The following NOC3L variants were observed in gnomAD, a reference collection of about 807,000 sequenced individuals.
NOC3L encodes the protein nucleolar complex protein 3 homolog.
In NOC3L, 85 loss-of-function variants were observed where a neutral mutation model predicts 102.5. The observed-to-expected ratio is 0.83, with a 90% confidence interval of 0.70 to 0.99. NOC3L has a LOEUF of 0.99. NOC3L is among the 50% of genes least tolerant of loss of function. The pLI is 0.00. For missense variants in NOC3L, 878 were observed against 914.9 expected (o/e 0.96, Z 0.52); for synonymous variants, 303 against 309.4 (o/e 0.98, Z 0.22).
intron 10 of NOC3L, among the ~76,000 whole-genome samples, chr10:94,346,850 T>C (rs539170264): frequency 2.3e-4 from 35 of 152,206 alleles, no homozygotes; most frequent in Admixed American, 1.9e-3. Flanking sequence ...GCCAACAGGA[T>C]GACAAAGAGA....
At position 94,349,973 on chromosome 10, in the gene NOC3L, T is replaced by C. The variant is rs184317946; in HGVS notation, c.1128+140A>G. ...TGGGGTTTCACCATGTTAGCTGGGGTGGTCTCGATCTCCTGACCTCGTGAT... is the reference window on the plus strand; with the variant it reads ...TGGGGTTTCACCATGTTAGCTGGGGCGGTCTCGATCTCCTGACCTCGTGAT... On this transcript the variant is annotated intron_variant, in intron 9 of 20. Coordinates refer to ENST00000371361, the MANE Select transcript of NOC3L (RefSeq NM_022451.11). 2.2e-3 allele frequency: 1,457 copies of C among 656,250 alleles called. 1 individual carries two copies. Among genetic ancestry groups the C allele is most frequent in the Non-Finnish European group, 3.4e-3 (1,306 of 380,194 alleles). 40.7% of individuals were successfully genotyped at this position (656,250 alleles called of 1,614,324 possible).
chr10:94,340,357 G>T lies in NOC3L; in HGVS notation c.1709-10C>A. On this transcript the variant is annotated splice_polypyrimidine_tract_variant and intron_variant, in intron 15 of 20. Transcript: ENST00000371361. ...ATATTCAGAACATCACCTTTGAAAT[G>T]ACAACAAACACCAATTAGGTATGTT... is the stretch of plus-strand genomic sequence containing the variant. 1 of 1,612,610 alleles carries T rather than the reference G, an allele frequency of 6.2e-7. No homozygotes were observed.
chr10:94,352,804 A>T, intron 7 of NOC3L, 92 bp downstream of exon 7: 1 of 1,095,062 alleles, frequency 9.1e-7, no homozygotes, highest in Non-Finnish European at 1.3e-6. Flanking sequence ...TCTGGGCGAC[A>T]GAGTAAAACT....
Position 94,346,455 on chromosome 10 carries a change from C to A in NOC3L, c.1359G>T (p.Lys453Asn). Reference sequence around the variant, plus strand: ...TCTGCATTCTTGATAGAGATTTTCTCTTTTCTTTGAAAGTCATAAATTTTT... The same window carrying A: ...TCTGCATTCTTGATAGAGATTTTCTATTTTCTTTGAAAGTCATAAATTTTT... ...KPKKFMTFKEKRKSLSRMQRK... is the reference protein window; with the variant it reads ...KPKKFMTFKENRKSLSRMQRK... Residue 453 changes from lysine to asparagine, a missense_variant, in exon 11 of 21, where the codon AAG (lysine) becomes AAT (asparagine). Lys to Asn is a moderately conservative substitution (Grantham distance 94). Transcript: ENST00000371361. 1 of 1,512,248 alleles carries A rather than the reference C, an allele frequency of 6.6e-7. No individual in the cohort carries two copies. The highest frequency in any genetic ancestry group is 1.3e-5 in the South Asian group (1 of 78,032). The allele number at this position is 1,512,248 out of a possible 1,614,324, so 93.7% of individuals were successfully genotyped here.
rs560823218 is a variant in NOC3L at position 94,337,170 on chromosome 10, CT to C, written c.2189+606del. ...GAAAAGAAGACTCTTTTAGGAGGAC[CT>C]TTTCCCCATCTGGGTGTGAGGTAGA... On this transcript the variant is annotated intron_variant, in intron 19 of 20. Transcript: ENST00000371361. Among the ~76,000 whole-genome samples, 279 of 152,084 alleles carry C rather than the reference CT, an allele frequency of 1.8e-3. 1 individual carries two copies. Among genetic ancestry groups the C allele is most frequent in the Admixed American group, 3.5e-3 (53 of 15,284 alleles).
Position 94,358,164 on chromosome 10 carries a change from T to C in NOC3L, c.269A>G (p.Asp90Gly). 1 of 1,610,816 alleles carries C rather than the reference T, an allele frequency of 6.2e-7. No homozygotes were observed. Among genetic ancestry groups the C allele is most frequent in the African/African-American group, 1.3e-5 (1 of 74,996 alleles). ...EEEEEEALPL[D>G]MMDEDDLQLM... ...CTGTAAGTCATCTTCATCCATCATA[T>C]CTAAAGGAAGGGCTTCTTCTTCTTC... is the stretch of plus-strand genomic sequence containing the variant. The change falls in exon 3 of 21, where the codon GAT becomes GGT. Residue 90 changes from aspartate (D) to glycine (G), a missense_variant. Coordinates refer to ENST00000371361, the MANE Select transcript of NOC3L (RefSeq NM_022451.11).
At chr10:94,329,040 A>G (rs2054126581), downstream of NOC3L, 1 of 152,298 alleles carries the variant, frequency 6.6e-6, no homozygotes, top group African/African-American at 2.4e-5. Context: ...CGCTCTCTTG[A>G]TATTGCCATG....
chr10:94,359,779 C>T (rs1476335125), intron 2 of NOC3L, among the ~76,000 whole-genome samples: 1 of 152,076 alleles, frequency 6.6e-6, no homozygotes, highest in Non-Finnish European at 1.5e-5. Flanking sequence ...AACTCTCATA[C>T]ACTCTTGGTG....
chr10:94,337,698 T>C (rs1402069886), intron 19 of NOC3L, 79 bp downstream of exon 19: 3 of 930,898 alleles, frequency 3.2e-6, no homozygotes, highest in Admixed American at 2.1e-5. Context: ...AGTATGTTAC[T>C]TTATGAAACA....
chr10:94,332,192 G>A (rs987348668), downstream of NOC3L: 1 of 152,072 alleles, frequency 6.6e-6, no homozygotes, highest in Non-Finnish European at 1.5e-5. Context: ...ACATCTCTTA[G>A]ATTCAAAACA....
At chr10:94,352,832 AG>A (rs1168042979) in intron 7 of NOC3L, 63 bp downstream of exon 7, 14 of 1,434,190 alleles carry the variant, frequency 9.8e-6, no homozygotes, top group Admixed American at 2.0e-5. Flanking sequence ...AAAAAAAAAA[AG>A]TCTATCTCTC....
chr10:94,331,557 G>C (rs1162114939), downstream of NOC3L: 1 of 152,228 alleles, frequency 6.6e-6, no homozygotes, highest in African/African-American at 2.4e-5. Context: ...GCAGCCTGCA[G>C]GGAAAGTGCT....
Position 94,361,887 on chromosome 10 carries a change from AAAG to A in NOC3L, c.10-18_10-16del. 1 of 1,555,580 alleles carries A rather than the reference AAAG, an allele frequency of 6.4e-7. No individual in the cohort carries two copies. The highest frequency in any genetic ancestry group is 1.1e-5 in the South Asian group (1 of 89,280). ...TTATTTCTTCTCTAGAAAATAACAG[AAAG>A]AATACTGCATACCCAGAAACTTATT... On this transcript the variant is annotated splice_polypyrimidine_tract_variant and intron_variant, in intron 1 of 20. Transcript: ENST00000371361.
Position 94,334,205 on chromosome 10 carries a change from G to A in NOC3L, c.2375C>T (p.Thr792Met), listed in dbSNP as rs199966693. ...GTGTAGTGATGTTTTCAAATATTTC[G>A]TGAAATCCAGAGGCGATTCAGTAGC... is the stretch of plus-strand genomic sequence containing the variant. ...EVATESPLDF[T>M]KYLKTSLH is the part of the protein sequence containing the mutation. Residue 792 changes from threonine (T) to methionine (M), a missense_variant, in exon 21 of 21, where the codon ACG becomes ATG. Transcript: ENST00000371361. The A allele has an allele frequency of 4.8e-5, 75 of 1,574,410 alleles. No individual in the cohort carries two copies. The highest frequency in any genetic ancestry group is 2.1e-4 in the South Asian group (19 of 89,748).
At chr10:94,324,873 A>C in the NOC3L span, 1 of 1,612,364 alleles carries the variant, frequency 6.2e-7, no homozygotes, top group Non-Finnish European at 8.5e-7. Flanking sequence ...CACCAATGGA[A>C]GGTTCTTTGT....
chr10:94,361,705 C>T lies in NOC3L; in HGVS notation c.177G>A (p.Lys59=). The change falls in exon 2 of 21, where the codon AAG becomes AAA. Residue 59 remains lysine (K), a synonymous_variant. Coordinates refer to ENST00000371361, the MANE Select transcript of NOC3L (RefSeq NM_022451.11). ...LRQAVKDAVS[K]KPIPLENPKE... ...TTGGGTTCTCCAATGGAATGGGTTT[C>T]TTAGACACAGCATCTTTCACAGCTT... The T allele has an allele frequency of 1.3e-6, 2 of 1,536,574 alleles. No homozygotes were observed. Among genetic ancestry groups the T allele is most frequent in the Non-Finnish European group, 1.8e-6 (2 of 1,132,692 alleles).
At chr10:94,324,715 C>A in the NOC3L span, 1 of 989,506 alleles carries the variant, frequency 1.0e-6, no homozygotes, top group Non-Finnish European at 1.6e-6. Flanking sequence ...TTTGTTTTCA[C>A]TGTGTGAAAA....
chr10:94,323,029 T>C, the NOC3L span, among the ~76,000 whole-genome samples: 1 of 152,160 alleles, frequency 6.6e-6, no homozygotes, highest in African/African-American at 2.4e-5. Context: ...ACTTAGTATC[T>C]ACAGTGAGTT....
the NOC3L span, among the ~76,000 whole-genome samples, chr10:94,320,276 TGGA>T: frequency 6.6e-6 from 1 of 152,036 alleles, no homozygotes; most frequent in East Asian, 1.9e-4. Flanking sequence ...CATTATATAA[TGGA>T]GTATTCATTC....
Sources: gnomAD v4.1 joint callset for allele counts (sites outside exome capture counted in the v4.1 genomes callset) on GRCh38, gnomAD v4.1.1 for gene constraint, MANE v1.5 for transcripts, NCBI Gene and HGNC (gene_info 2026-07-23, HGNC 2026-07-21) for gene names.